CD8A: variants seen among roughly 807,000 people sequenced by gnomAD.
The protein encoded by CD8A is CD8 subunit alpha.
A neutral mutation model predicts 24.2 loss-of-function variants in CD8A; 25 were observed. The ratio of observed to expected loss-of-function variants is 1.03; its 90% CI spans 0.75 to 1.44. CD8A has a LOEUF of 1.44. Ranked by LOEUF, CD8A falls within the 40% of genes most tolerant of loss-of-function variation. CD8A has a pLI of 0.00. For missense variants in CD8A, 360 were observed against 319.7 expected (o/e 1.13, Z -0.96); for synonymous variants, 165 against 149.9 (o/e 1.10, Z -0.74).
rs578170173 is a variant in CD8A at position 86,806,417 on chromosome 2, A to G, written c.-418+1030T>C. Among the ~76,000 whole-genome samples, 22 of 152,312 alleles carry G rather than the reference A, an allele frequency of 1.4e-4. 1 individual carries two copies. The East Asian group carries it at 4.2e-3, about 29-fold the overall frequency. On this transcript the variant is annotated intron_variant, in intron 2 of 8. Coordinates refer to the CD8A transcript ENST00000409511. ...GGCAAGGAAAGTCAAGAAGTGGGAG[A>G]AGTCAAGGGCTCTCTCCTCCCTTCC...
rs754270898 is a variant in CD8A at position 86,789,708 on chromosome 2, G to T, written c.446C>A (p.Ala149Glu). The T allele has an allele frequency of 1.4e-6, 2 of 1,391,244 alleles. No individual in the cohort carries two copies. Among genetic ancestry groups the T allele is most frequent in the Non-Finnish European group, 1.9e-6 (2 of 1,080,036 alleles). The allele number at this position is 1,391,244 out of a possible 1,614,324, so 86.2% of individuals were successfully genotyped here. A position where few individuals can be genotyped will look rare whatever the true frequency, so the allele number is the denominator to read the frequency against. ...TTPAPRPPTP[A>E]PTIASQPLSL... ...CAGGGGCTGCGACGCGATGGTGGGC[G>T]CCGGTGTTGGTGGTCGCGGCGCTGG... The change falls in exon 3 of 6, where the codon GCG becomes GAG. Residue 149 changes from alanine (A) to glutamate (E), a missense_variant. Transcript: ENST00000283635.
Position 86,790,677 on chromosome 2 carries a change from G to A in CD8A, c.54C>T (p.Ala18=). 1 of 1,596,590 alleles carries A rather than the reference G, an allele frequency of 6.3e-7. No individual in the cohort carries two copies. The highest frequency in any genetic ancestry group is 8.5e-7 in the Non-Finnish European group (1 of 1,178,400). ...LLLPLALLLH[A]ARPSQFRVSP... is the part of the protein sequence containing the mutation. The stretch of plus-strand genomic sequence containing the variant: ...ACACCCGGAACTGGCTCGGCCTGGC[G>A]GCGTCTGCAGGCGGCAAGCAGCGAG... The change falls in exon 2 of 6, where the codon GCC becomes GCT. Residue 18 remains alanine (A), a synonymous_variant. Transcript: ENST00000283635.
intron 5 of CD8A, among the ~76,000 whole-genome samples, chr2:86,787,070 T>TCC (rs1553430181): frequency 2.7e-4 from 28 of 103,794 alleles, no homozygotes; most frequent in African/African-American, 3.8e-4. Context: ...AGCTAAAAAC[T>TCC]TCCCCCCCCA....
intron 3 of CD8A, among the ~76,000 whole-genome samples, chr2:86,798,929 C>G (rs1158610123): frequency 6.6e-6 from 1 of 152,040 alleles, no homozygotes; most frequent in East Asian, 1.9e-4. Context: ...TCTATAAATG[C>G]TATATAATTT....
intron 5 of CD8A, among the ~76,000 whole-genome samples, chr2:86,787,019 C>A (rs77400923): frequency 6.8e-4 from 25 of 36,562 alleles, no homozygotes; most frequent in Admixed American, 1.7e-3. Flanking sequence ...GACTCCGTCT[C>A]AAAAAAAAAA....
chr2:86,791,204 G>C (rs1277152817), upstream of CD8A: 4 of 451,046 alleles, frequency 8.9e-6, no homozygotes, highest in African/African-American at 8.0e-5. Context: ...AAGAAGTGAG[G>C]GCGAGAGTAG....
At chr2:86,805,880 A>C (rs1293151565) in intron 2 of CD8A, among the ~76,000 whole-genome samples, 1 of 152,084 alleles carries the variant, frequency 6.6e-6, no homozygotes, top group Non-Finnish European at 1.5e-5. Context: ...AAGTAAATAA[A>C]GGGGAAAAAT....
chr2:86,798,187 T>G (rs892557853), intron 3 of CD8A, among the ~76,000 whole-genome samples: 7 of 152,076 alleles, frequency 4.6e-5, no homozygotes, highest in Non-Finnish European at 7.4e-5. Flanking sequence ...TCTTTTTTTT[T>G]TTTTTGAGAT....
upstream of CD8A, among the ~76,000 whole-genome samples, chr2:86,792,541 G>A (rs1335574714): frequency 4.6e-5 from 6 of 129,440 alleles, no homozygotes; most frequent in African/African-American, 7.4e-5. Context: ...TGCCCAGGCT[G>A]GAGTGCAGTG....
chr2:86,793,196 TG>T (rs1024780792), upstream of CD8A, among the ~76,000 whole-genome samples: 4 of 152,220 alleles, frequency 2.6e-5, no homozygotes, highest in Admixed American at 6.5e-5. Flanking sequence ...TTCTTATAAA[TG>T]GGTGCATTAT....
Position 86,790,547 on chromosome 2 carries a change from C to T in CD8A, c.184G>A (p.Gly62Ser), listed in dbSNP as rs1392974752. 2 of 1,613,286 alleles carry T rather than the reference C, an allele frequency of 1.2e-6. No homozygotes were observed. Among genetic ancestry groups the T allele is most frequent in the Non-Finnish European group, 1.7e-6 (2 of 1,179,950 alleles). The change falls in exon 2 of 6, where the codon GGC (glycine) becomes AGC (serine). Residue 62 changes from glycine (G) to serine (S), a missense_variant. Physicochemically the swap from Gly to Ser is moderately conservative, Grantham distance 56 (BLOSUM62 0). Transcript: ENST00000283635. ...AGGAAGGTGGGACTGGCGGCGGCGCCGCGCGGCTGGAAGAGCCACGAGCAG... is the reference window on the plus strand; with the variant it reads ...AGGAAGGTGGGACTGGCGGCGGCGCTGCGCGGCTGGAAGAGCCACGAGCAG... ...SGCSWLFQPR[G>S]AAASPTFLLY...
At chr2:86,791,166 G>A (rs959764595), upstream of CD8A, 2 of 559,636 alleles carry the variant, frequency 3.6e-6, no homozygotes, top group African/African-American at 1.9e-5. Context: ...GAGAGTGACA[G>A]AGTGGGTGAA....
chr2:86,790,477 T>C lies in CD8A; in HGVS notation c.254A>G (p.Asp85Gly), dbSNP rs558225181. The C allele has an allele frequency of 6.2e-7, 1 of 1,614,012 alleles. No individual in the cohort carries two copies. ...CCTCTTGCCCGAGAACCGCTGGGTGTCCAGCCCCTCGGCCGCCTTGGGCTT... is the reference window on the plus strand; with the variant it reads ...CCTCTTGCCCGAGAACCGCTGGGTGCCCAGCCCCTCGGCCGCCTTGGGCTT... ...QNKPKAAEGL[D>G]TQRFSGKRLG... The change falls in exon 2 of 6, where the codon GAC (aspartate) becomes GGC (glycine). Residue 85 changes from aspartate to glycine, a missense_variant. Asp to Gly is a moderately conservative substitution (Grantham distance 94). Transcript: ENST00000283635.
chr2:86,791,823 C>T, upstream of CD8A: 1 of 366,158 alleles, frequency 2.7e-6, no homozygotes. Flanking sequence ...TGCTTTCACG[C>T]CCTTGCACTT....
intron 5 of CD8A, among the ~76,000 whole-genome samples, chr2:86,787,898 A>AGAGAGAGAGAGAGAGTGTGT (rs369993109): frequency 8.3e-5 from 12 of 144,490 alleles, no homozygotes; most frequent in African/African-American, 3.1e-4. Flanking sequence ...AGAGAGAGAG[A>AGAGAGAGAGAGAGAGTGTGT]GTGTGTGTGT....
rs1263425583 is a variant in CD8A, at chr2:86,785,059, G to A, written c.*861C>T. 1 of 454,040 alleles carries A rather than the reference G, an allele frequency of 2.2e-6. No homozygotes were observed. Among genetic ancestry groups the A allele is most frequent in the Non-Finnish European group, 4.4e-6 (1 of 226,784 alleles). 28.1% of individuals were successfully genotyped at this position (454,040 alleles called of 1,614,324 possible). The stretch of plus-strand genomic sequence containing the variant: ...TATCTCAAATTCAGAGATTCAAGAG[G>A]GCCTTAGTTTAACCTCACTGATGCT... On this transcript the variant is annotated 3_prime_UTR_variant, in exon 6 of 6. Transcript: ENST00000283635.
At chr2:86,790,967 C>T (rs190362172), upstream of CD8A, 705 of 824,236 alleles carry the variant, frequency 8.6e-4, 3 homozygotes, top group African/African-American at 9.8e-3. Context: ...TGTGATGTCA[C>T]CCGAAGCCCC....
Position 86,790,861 on chromosome 2 carries a change from C to CGGGCGCGAGGGG in CD8A, c.-48_-37dup. On this transcript the variant is annotated 5_prime_UTR_variant, in exon 1 of 6. Coordinates refer to ENST00000283635, the MANE Select transcript of CD8A (RefSeq NM_001768.7). The stretch of plus-strand genomic sequence containing the variant: ...CCAGGACGCTGCTTGGCTCGAAGCT[C>CGGGCGCGAGGGG]GGGCGCGAGGGGAGGCGCGCGGGAG... 1.3e-6 allele frequency: 2 copies of CGGGCGCGAGGGG among 1,534,732 alleles called. No individual in the cohort carries two copies. The highest frequency in any genetic ancestry group is 2.4e-5 in the East Asian group (1 of 41,070).
chr2:86,791,423 GAGCGGCAGC>G, upstream of CD8A: 1 of 433,372 alleles, frequency 2.3e-6, no homozygotes, highest in Non-Finnish European at 4.7e-6. Flanking sequence ...ATTTCCATGA[GAGCGGCAGC>G]AGCCGAAGCT....
Sources: gnomAD v4.1 joint callset for allele counts (sites outside exome capture counted in the v4.1 genomes callset) on GRCh38, gnomAD v4.1.1 for gene constraint, MANE v1.5 for transcripts, NCBI Gene and HGNC (gene_info 2026-07-23, HGNC 2026-07-21) for gene names.